Variants in POU2AF2 observed in about 807,000 individuals in gnomAD.
POU2AF2 encodes POU domain class 2-associating factor 2.
At chr11:111,269,224 G>A in the POU2AF2 span, among the ~76,000 whole-genome samples, 1 of 151,714 alleles carries the variant, frequency 6.6e-6, no homozygotes, top group Admixed American at 6.6e-5. Flanking sequence ...AATCTTCCGA[G>A]GAGGCAGTGT....
the POU2AF2 span, chr11:111,286,183 C>T: frequency 4.9e-5 from 50 of 1,030,016 alleles, 1 homozygote; most frequent in South Asian, 5.8e-4. Context: ...TGTTAGTGGA[C>T]GAGGGCATTT....
At chr11:111,269,098 G>A in the POU2AF2 span, among the ~76,000 whole-genome samples, 6 of 151,892 alleles carry the variant, frequency 4.0e-5, no homozygotes. Context: ...TTCACCCTGG[G>A]AACATCTCCC....
At chr11:111,249,716 C>A in the POU2AF2 span, among the ~76,000 whole-genome samples, 1 of 152,142 alleles carries the variant, frequency 6.6e-6, no homozygotes, top group Non-Finnish European at 1.5e-5. Context: ...TACTAAATAC[C>A]AGATACTTGA....
At chr11:111,262,754 C>G in the POU2AF2 span, among the ~76,000 whole-genome samples, 8 of 152,116 alleles carry the variant, frequency 5.3e-5, no homozygotes, top group African/African-American at 1.7e-4. Context: ...TTGGGCCATG[C>G]GTCTAAGATT....
At chr11:111,271,726 A>C in the POU2AF2 span, among the ~76,000 whole-genome samples, 1 of 152,180 alleles carries the variant, frequency 6.6e-6, no homozygotes, top group East Asian at 1.9e-4. Context: ...ACCTGGCACA[A>C]AAAAGGCTAG....
the POU2AF2 span, among the ~76,000 whole-genome samples, chr11:111,275,476 G>A: frequency 6.6e-6 from 1 of 152,146 alleles, no homozygotes; most frequent in Non-Finnish European, 1.5e-5. Context: ...GCCAGGGTTG[G>A]GAGGCTGAAC....
the POU2AF2 span, among the ~76,000 whole-genome samples, chr11:111,281,594 T>G: frequency 6.6e-6 from 1 of 152,228 alleles, no homozygotes. Flanking sequence ...AGGACAGAAC[T>G]CATGCAGTAA....
chr11:111,268,487 A>T, the POU2AF2 span, among the ~76,000 whole-genome samples: 3,759 of 23,374 alleles, frequency 0.16, 350 homozygotes, highest in Admixed American at 0.29. Flanking sequence ...TTTTTATTTT[A>T]TTTTATTTTA....
chr11:111,283,090 T>G, the POU2AF2 span, among the ~76,000 whole-genome samples: 1 of 146,378 alleles, frequency 6.8e-6, no homozygotes, highest in African/African-American at 2.5e-5. Context: ...GACGGACTCT[T>G]GCTCTGGGCG....
At chr11:111,284,254 G>A in the POU2AF2 span, 5 of 1,614,208 alleles carry the variant, frequency 3.1e-6, no homozygotes, top group Non-Finnish European at 3.4e-6. Flanking sequence ...ACTTCCCCCA[G>A]GAGCCCTACG....
At chr11:111,266,821 T>A in the POU2AF2 span, among the ~76,000 whole-genome samples, 1 of 152,184 alleles carries the variant, frequency 6.6e-6, no homozygotes, top group African/African-American at 2.4e-5. Context: ...TTGAAAGTAG[T>A]GAGGCTTAGA....
chr11:111,276,453 A>AAAAAAAAAAAT, the POU2AF2 span, among the ~76,000 whole-genome samples: 1 of 37,692 alleles, frequency 2.7e-5, no homozygotes, highest in African/African-American at 9.6e-5. Flanking sequence ...AAAAAAAAAA[A>AAAAAAAAAAAT]ATATATATAT....
chr11:111,276,454 ATATATAT>A, the POU2AF2 span, among the ~76,000 whole-genome samples: 19 of 19,068 alleles, frequency 1.0e-3, no homozygotes, highest in South Asian at 2.8e-3. Context: ...AAAAAAAAAA[ATATATAT>A]ATATATATAT....
the POU2AF2 span, chr11:111,285,562 G>C: frequency 7.1e-7 from 1 of 1,410,518 alleles, no homozygotes; most frequent in East Asian, 2.6e-5. Context: ...AGGGGACGAA[G>C]GCTGCCCTGA....
At chr11:111,275,827 G>T in the POU2AF2 span, among the ~76,000 whole-genome samples, 1 of 152,080 alleles carries the variant, frequency 6.6e-6, no homozygotes, top group South Asian at 2.1e-4. Context: ...GGAATTTATA[G>T]AAATAAAAAA....
the POU2AF2 span, among the ~76,000 whole-genome samples, chr11:111,268,483 TTTTATTTTATTTTA>T: frequency 5.3e-4 from 20 of 37,972 alleles, 1 homozygote; most frequent in South Asian, 5.6e-3. Flanking sequence ...TCTTTTTTTA[TTTTATTTTATTTTA>T]TTTTATTTTA....
chr11:111,263,427 C>CTTTTTT, the POU2AF2 span, among the ~76,000 whole-genome samples: 149 of 96,146 alleles, frequency 1.5e-3, 3 homozygotes, highest in East Asian at 0.034. Context: ...TACTGAAGTT[C>CTTTTTT]TTTTTTTTTT....
the POU2AF2 span, among the ~76,000 whole-genome samples, chr11:111,265,343 G>A: frequency 1.3e-5 from 2 of 152,094 alleles, no homozygotes; most frequent in East Asian, 3.9e-4. Context: ...TCTTAAATCT[G>A]TCCCTCAACT....
the POU2AF2 span, among the ~76,000 whole-genome samples, chr11:111,279,989 C>T: frequency 3.5e-5 from 5 of 142,628 alleles, no homozygotes; most frequent in East Asian, 1.0e-3. Context: ...TGCAGTGAGC[C>T]GAGATCGTGC....
Sources: gnomAD v4.1 joint callset for allele counts (sites outside exome capture counted in the v4.1 genomes callset) on GRCh38, gnomAD v4.1.1 for gene constraint, MANE v1.5 for transcripts, NCBI Gene and HGNC (gene_info 2026-07-23, HGNC 2026-07-21) for gene names.